Variants in TTC27 observed in about 807,000 individuals in gnomAD.
TTC27 encodes the protein tetratricopeptide repeat domain 27.
TTC27 carries 79 observed loss-of-function variants against 115.9 expected under a neutral mutation model. That is an observed-to-expected ratio of 0.68 (90% CI 0.57 to 0.82). The LOEUF (loss-of-function observed/expected upper bound fraction) is 0.82, where lower values mean the gene tolerates loss of function less well. Ranked by LOEUF, TTC27 falls within the 40% of genes least tolerant of loss-of-function variation. The pLI is 0.00. For missense variants in TTC27, 1,054 were observed against 993.1 expected (o/e 1.06, Z -0.82); for synonymous variants, 401 against 356.0 (o/e 1.13, Z -1.42).
At chr2:32,634,199 C>A (rs1664325057) in intron 3 of TTC27, among the ~76,000 whole-genome samples, 194 bp downstream of exon 3, 1 of 152,146 alleles carries the variant, frequency 6.6e-6, no homozygotes, top group African/African-American at 2.4e-5. Flanking sequence ...CCTCTTCATA[C>A]ACACTCCATT....
chr2:32,718,733 G>A (rs1043566002), intron 10 of TTC27, among the ~76,000 whole-genome samples: 1 of 152,200 alleles, frequency 6.6e-6, no homozygotes, highest in African/African-American at 2.4e-5. Flanking sequence ...GCTGACTGCA[G>A]ACTCTGCACT....
chr2:32,680,967 A>G (rs1159256631), intron 9 of TTC27, among the ~76,000 whole-genome samples: 1 of 152,114 alleles, frequency 6.6e-6, no homozygotes, highest in Non-Finnish European at 1.5e-5. Context: ...AGTAATTAGT[A>G]ACTTCTGATG....
At chr2:32,634,109 T>C (rs972280814) in intron 3 of TTC27, 104 bp downstream of exon 3, 4 of 1,318,688 alleles carry the variant, frequency 3.0e-6, no homozygotes, top group Admixed American at 2.7e-5. Flanking sequence ...AACATGACTT[T>C]ATGGTTTGCA....
chr2:32,720,693 G>A (rs201748451), intron 10 of TTC27, among the ~76,000 whole-genome samples: 1 of 152,210 alleles, frequency 6.6e-6, no homozygotes, highest in East Asian at 1.9e-4. Flanking sequence ...AGTACCCTAT[G>A]TGCTCCTAAG....
chr2:32,818,037 A>C (rs573567728), intron 19 of TTC27, among the ~76,000 whole-genome samples: 1 of 152,024 alleles, frequency 6.6e-6, no homozygotes, highest in Non-Finnish European at 1.5e-5. Flanking sequence ...AGCCTGGGTG[A>C]CAGAGTGAGA....
intron 9 of TTC27, among the ~76,000 whole-genome samples, chr2:32,686,722 A>T (rs1477908812): frequency 1.3e-5 from 2 of 152,144 alleles, no homozygotes; most frequent in East Asian, 3.9e-4. Context: ...AACTGTGGGC[A>T]AGGTGCGAAA....
chr2:32,648,164 G>A (rs1664937398), intron 4 of TTC27, among the ~76,000 whole-genome samples: 1 of 150,740 alleles, frequency 6.6e-6, no homozygotes, highest in Non-Finnish European at 1.5e-5. Flanking sequence ...TTTCACTCTT[G>A]TTGCCCAAGC....
intron 5 of TTC27, among the ~76,000 whole-genome samples, chr2:32,653,331 A>T (rs1454023451): frequency 1.3e-5 from 2 of 152,312 alleles, no homozygotes; most frequent in African/African-American, 4.8e-5. Context: ...ACGGTGGCTC[A>T]TGCCTGTAAT....
At chr2:32,785,963 T>C (rs1470878287) in intron 15 of TTC27, among the ~76,000 whole-genome samples, 2 of 152,202 alleles carry the variant, frequency 1.3e-5, no homozygotes, top group African/African-American at 4.8e-5. Context: ...CTTGTTCTTA[T>C]TTCATTTCTC....
chr2:32,730,640 T>C (rs978775845), intron 10 of TTC27, among the ~76,000 whole-genome samples: 9 of 143,042 alleles, frequency 6.3e-5, no homozygotes, highest in Non-Finnish European at 1.4e-4. Flanking sequence ...TTTTTTTTTC[T>C]TGAGACAGTC....
intron 13 of TTC27, among the ~76,000 whole-genome samples, chr2:32,762,727 T>C (rs1257015020): frequency 6.6e-6 from 1 of 152,082 alleles, no homozygotes; most frequent in Non-Finnish European, 1.5e-5. Flanking sequence ...CTGCAATCTC[T>C]GCTTCCCAGG....
At chr2:32,769,449 C>T (rs186151466) in intron 13 of TTC27, among the ~76,000 whole-genome samples, 4 of 152,150 alleles carry the variant, frequency 2.6e-5, no homozygotes, top group East Asian at 1.9e-4. Flanking sequence ...TTTAGGAGCA[C>T]GTCAGAGAGA....
chr2:32,683,119 T>A (rs1666499539), intron 9 of TTC27, among the ~76,000 whole-genome samples: 2 of 152,060 alleles, frequency 1.3e-5, no homozygotes, highest in African/African-American at 4.8e-5. Flanking sequence ...CCTCCCAAAG[T>A]GCTGGGATTA....
chr2:32,707,434 C>G lies in TTC27; in HGVS notation c.1233+4514C>G, dbSNP rs112444934. 8.8e-3 allele frequency among the ~76,000 whole-genome samples: 1,343 copies of G among 152,300 alleles called. 11 individuals carry two copies. The highest frequency in any genetic ancestry group is 0.017 in the Middle Eastern group (5 of 294). On this transcript the variant is annotated intron_variant, in intron 10 of 19. Coordinates refer to ENST00000317907, the MANE Select transcript of TTC27 (RefSeq NM_017735.5). ...GAGCCCCCACCTCCCACCACTGTTG[C>G]ATCGGGCACCAAGTTGCCAACACAT...
chr2:32,722,692 A>T lies in TTC27; in HGVS notation c.1234-11136A>T, dbSNP rs144518536. Among the ~76,000 whole-genome samples, 280 of 152,344 alleles carry T rather than the reference A, an allele frequency of 1.8e-3. 2 individuals carry two copies. Among genetic ancestry groups the T allele is most frequent in the African/African-American group, 6.4e-3 (268 of 41,586 alleles). ...GTGATATCAGTAGAAGACTGGCATC[A>T]TCTGGAGGAAAGGAGTGGAATGACC... On this transcript the variant is annotated intron_variant, in intron 10 of 19. Transcript: ENST00000317907.
chr2:32,774,978 C>T (rs1297297269), intron 13 of TTC27, among the ~76,000 whole-genome samples: 1 of 152,138 alleles, frequency 6.6e-6, no homozygotes, highest in African/African-American at 2.4e-5. Context: ...TAAATTAAGT[C>T]ATCTGTCTGA....
chr2:32,642,685 T>A (rs923953813), intron 4 of TTC27, among the ~76,000 whole-genome samples: 4 of 151,938 alleles, frequency 2.6e-5, no homozygotes, highest in African/African-American at 9.7e-5. Context: ...GTTTTTTTTT[T>A]AAGACAGGCT....
At chr2:32,752,102 G>T (rs1201401149) in intron 12 of TTC27, among the ~76,000 whole-genome samples, 1 of 152,162 alleles carries the variant, frequency 6.6e-6, no homozygotes, top group African/African-American at 2.4e-5. Context: ...TCCAGGTTCA[G>T]TGCTATCAGC....
At chr2:32,768,018 G>A (rs116036361) in intron 13 of TTC27, among the ~76,000 whole-genome samples, 1,768 of 151,690 alleles carry the variant, frequency 0.012, 33 homozygotes, top group African/African-American at 0.04. Context: ...AGATCATATT[G>A]AAAGAATATA....
Sources: gnomAD v4.1 joint callset for allele counts (sites outside exome capture counted in the v4.1 genomes callset) on GRCh38, gnomAD v4.1.1 for gene constraint, MANE v1.5 for transcripts, NCBI Gene and HGNC (gene_info 2026-07-23, HGNC 2026-07-21) for gene names.